Variants in AP1S1 observed in about 807,000 individuals in gnomAD.
AP1S1 encodes adaptor related protein complex 1 subunit sigma 1.
Under a neutral mutation model 23.9 loss-of-function variants are expected in AP1S1, and 13 were observed. The observed-to-expected ratio is 0.54, with a 90% CI of 0.35 to 0.86. The LOEUF is 0.86. Among genes scored for constraint, AP1S1 ranks in the 40% least tolerant of loss-of-function variants. AP1S1 has a pLI of 0.01. For missense variants in AP1S1, 119 were observed against 197.6 expected, an observed-to-expected ratio of 0.60 and a Z score of 2.38; for synonymous variants, 84 against 77.7, an observed-to-expected ratio of 1.08 and a Z score of -0.43.
chr7:101,159,392 G>C, intron 4 of AP1S1, 196 bp downstream of exon 4: 1 of 720,026 alleles, frequency 1.4e-6, no homozygotes, highest in Middle Eastern at 3.9e-4. Context: ...TAGGGTGGCA[G>C]ATAGCCCACC....
At chr7:101,154,644 C>A in intron 1 of AP1S1, 127 bp downstream of exon 1, 1 of 1,306,558 alleles carries the variant, frequency 7.7e-7, no homozygotes, top group Non-Finnish European at 1.0e-6. Flanking sequence ...GCCTCCCTTG[C>A]CTCGGCGGGT....
At chr7:101,160,428 C>G (rs1197717425) in intron 4 of AP1S1, 91 bp from the exon 5 acceptor site, 8 of 1,474,008 alleles carry the variant, frequency 5.4e-6, no homozygotes, top group Non-Finnish European at 7.5e-6. Flanking sequence ...TGTGCCTCCC[C>G]CGTCTGACTC....
rs746038141 is a variant in AP1S1 at position 101,160,808 on chromosome 7, TG to T, written c.*247del. The stretch of plus-strand genomic sequence containing the variant: ...AGGAGGCAGGAAAATGTGACCCAGA[TG>T]GGGGTGCTATTTGGCTTTTATTCCC... On this transcript the variant is annotated 3_prime_UTR_variant, in exon 5 of 5. Transcript: ENST00000337619. The T allele has an allele frequency of 2.0e-5, 14 of 690,866 alleles. No homozygotes were observed. The South Asian group carries it at 2.1e-4, about 10-fold the overall frequency. The allele number at this position is 690,866 out of a possible 1,614,324, so 42.8% of individuals were successfully genotyped here. A position where few individuals can be genotyped will look rare whatever the true frequency, so the allele number is the denominator to read the frequency against.
At chr7:101,158,179 C>T (rs758279611) in intron 3 of AP1S1, among the ~76,000 whole-genome samples, 1 of 152,106 alleles carries the variant, frequency 6.6e-6, no homozygotes, top group Non-Finnish European at 1.5e-5. Context: ...GTCCAGGTTC[C>T]ACTCCCAGAG....
At chr7:101,159,300 C>G in intron 4 of AP1S1, 104 bp downstream of exon 4, 1 of 1,476,316 alleles carries the variant, frequency 6.8e-7, no homozygotes, top group South Asian at 1.3e-5. Flanking sequence ...CGCCAAGGAG[C>G]CCCCCCTCCC....
rs945999616 is a variant in AP1S1, at chr7:101,160,690, C to G, written c.*124C>G. The G allele has an allele frequency of 8.6e-7, 1 of 1,162,464 alleles. No individual in the cohort carries two copies. The highest frequency in any genetic ancestry group is 1.3e-6 in the Non-Finnish European group (1 of 793,778). 72.0% of individuals were successfully genotyped at this position (1,162,464 alleles called of 1,614,324 possible). On this transcript the variant is annotated 3_prime_UTR_variant, in exon 5 of 5. Coordinates refer to ENST00000337619, the MANE Select transcript of AP1S1 (RefSeq NM_001283.5). ...GCCCCTCCTCTGCTGCCTCACCTTT[C>G]GGAGTGAGCTGTGGGCTCAGGCCCT...
rs758471899 is a variant in AP1S1, at chr7:101,160,714, C to T, written c.*148C>T. 1.1e-6 allele frequency: 1 copy of T among 922,808 alleles called. No homozygotes were observed. Among genetic ancestry groups the T allele is most frequent in the Non-Finnish European group, 1.7e-6 (1 of 580,784 alleles). The allele number at this position is 922,808 out of a possible 1,614,324, so 57.2% of individuals were successfully genotyped here. A position where few individuals can be genotyped will look rare whatever the true frequency, so the allele number is the denominator to read the frequency against. Reference sequence around the variant, plus strand: ...TCGGAGTGAGCTGTGGGCTCAGGCCCTTCAAACATTCCCTCCCTCCACCCC... The same window carrying T: ...TCGGAGTGAGCTGTGGGCTCAGGCCTTTCAAACATTCCCTCCCTCCACCCC... On this transcript the variant is annotated 3_prime_UTR_variant, in exon 5 of 5. Coordinates refer to ENST00000337619, the MANE Select transcript of AP1S1 (RefSeq NM_001283.5).
At chr7:101,155,948 C>A (rs1480448734) in intron 1 of AP1S1, among the ~76,000 whole-genome samples, 1 of 152,070 alleles carries the variant, frequency 6.6e-6, no homozygotes, top group Non-Finnish European at 1.5e-5. Context: ...TAATAACTAA[C>A]GGCCGGGCGC....
intron 1 of AP1S1, 145 bp downstream of exon 1, chr7:101,154,662 C>A: frequency 9.9e-7 from 1 of 1,009,934 alleles, no homozygotes; most frequent in Non-Finnish European, 1.3e-6. Flanking sequence ...GGTGGGCGAG[C>A]CGGGCTCGGG....
At chr7:101,155,432 G>A (rs987834420) in intron 1 of AP1S1, among the ~76,000 whole-genome samples, 29 of 152,170 alleles carry the variant, frequency 1.9e-4, no homozygotes, top group African/African-American at 7.0e-4. Context: ...GACCCAGCTT[G>A]CTGTCTGTTC....
chr7:101,159,620 T>C, intron 4 of AP1S1: 5 of 152,466 alleles, frequency 3.3e-5, no homozygotes, highest in East Asian at 1.9e-4. Context: ...TTTTTTTTCT[T>C]TTTTTTTTTT....
In AP1S1 at chr7:101,154,525, G is replaced by A; in HGVS notation, c.3+8G>A. On this transcript the variant is annotated splice_region_variant and intron_variant, in intron 1 of 4. Coordinates refer to ENST00000337619, the MANE Select transcript of AP1S1 (RefSeq NM_001283.5). ...GCCGGAGGCTGCAGGATGGTAGGCT[G>A]TGCGAAGAGGGAGGGGAGGGGGAAG... 7 of 1,569,832 alleles carry A rather than the reference G, an allele frequency of 4.5e-6. No homozygotes were observed. The highest frequency in any genetic ancestry group is 5.2e-6 in the Non-Finnish European group (6 of 1,158,122).
intron 3 of AP1S1, 68 bp from the exon 4 acceptor site, chr7:101,158,991 C>G (rs776197730): frequency 1.5e-5 from 24 of 1,582,662 alleles, no homozygotes; most frequent in Non-Finnish European, 2.1e-5. Context: ...GTGGGAGGCA[C>G]GGTCTTGAAA....
At chr7:101,156,100 C>T (rs1243829737) in intron 1 of AP1S1, among the ~76,000 whole-genome samples, 2 of 152,058 alleles carry the variant, frequency 1.3e-5, no homozygotes, top group Non-Finnish European at 2.9e-5. Flanking sequence ...GGCGTGATGG[C>T]ACGTGACTGT....
At chr7:101,154,728 G>C (rs1214037222) in intron 1 of AP1S1, 1 of 686,640 alleles carries the variant, frequency 1.5e-6, no homozygotes, top group Non-Finnish European at 2.2e-6. Flanking sequence ...GCATTTGCAG[G>C]GCGAGCGGGG....
intron 1 of AP1S1, among the ~76,000 whole-genome samples, chr7:101,156,122 C>T (rs930688123): frequency 6.6e-6 from 1 of 152,170 alleles, no homozygotes; most frequent in East Asian, 1.9e-4. Flanking sequence ...ATCCCAGCTA[C>T]TCAGGAGGCT....
At position 101,160,574 on chromosome 7, in the gene AP1S1, T is replaced by G; in HGVS notation, c.*8T>G. On this transcript the variant is annotated 3_prime_UTR_variant, in exon 5 of 5. Transcript: ENST00000337619. ...GAGATGGGTTTGGCATAGCCCCTGC[T>G]GGGCCGGGGTGTGGCGATGGGGTCC... The G allele has an allele frequency of 1.2e-6, 2 of 1,610,962 alleles. No individual in the cohort carries two copies. Among genetic ancestry groups the G allele is most frequent in the Non-Finnish European group, 1.7e-6 (2 of 1,179,836 alleles).
chr7:101,160,576 G>A lies in AP1S1; in HGVS notation c.*10G>A. 6.2e-7 allele frequency: 1 copy of A among 1,610,828 alleles called. No homozygotes were observed. The highest frequency in any genetic ancestry group is 8.5e-7 in the Non-Finnish European group (1 of 1,179,790). Reference sequence around the variant, plus strand: ...GATGGGTTTGGCATAGCCCCTGCTGGGCCGGGGTGTGGCGATGGGGTCCTG... The same window carrying A: ...GATGGGTTTGGCATAGCCCCTGCTGAGCCGGGGTGTGGCGATGGGGTCCTG... On this transcript the variant is annotated 3_prime_UTR_variant, in exon 5 of 5. Coordinates refer to ENST00000337619, the MANE Select transcript of AP1S1 (RefSeq NM_001283.5).
chr7:101,156,587 C>G lies in AP1S1; in HGVS notation c.4-7C>G. ...TACCCTCGGTTCTGCCCTCCCATCC[C>G]CCACAGATGCGGTTCATGCTATTAT... is the stretch of plus-strand genomic sequence containing the variant. On this transcript the variant is annotated splice_polypyrimidine_tract_variant and splice_region_variant and intron_variant, in intron 1 of 4. Coordinates refer to ENST00000337619, the MANE Select transcript of AP1S1 (RefSeq NM_001283.5). 1 of 1,609,030 alleles carries G rather than the reference C, an allele frequency of 6.2e-7. No homozygotes were observed. Among genetic ancestry groups the G allele is most frequent in the Non-Finnish European group, 8.5e-7 (1 of 1,177,316 alleles).
Sources: gnomAD v4.1 joint callset for allele counts (sites outside exome capture counted in the v4.1 genomes callset) on GRCh38, gnomAD v4.1.1 for gene constraint, MANE v1.5 for transcripts, NCBI Gene and HGNC (gene_info 2026-07-23, HGNC 2026-07-21) for gene names.